KHDRBS2: variants seen among roughly 807,000 people sequenced by gnomAD.
The protein encoded by KHDRBS2 is KH domain-containing, RNA-binding, signal transduction-associated protein 2.
In KHDRBS2, 26 loss-of-function variants were observed where a neutral mutation model predicts 44.3. That is an observed-to-expected ratio of 0.59 (90% CI 0.43 to 0.81). KHDRBS2 has a LOEUF of 0.81. KHDRBS2 is among the 40% of genes least tolerant of loss of function. The pLI is 0.00. For synonymous variants in KHDRBS2, 194 were observed against 151.1 expected, an observed-to-expected ratio of 1.28 and a Z score of -2.08; for missense variants, 476 against 433.1, an observed-to-expected ratio of 1.10 and a Z score of -0.88.
the KHDRBS2 span, among the ~76,000 whole-genome samples, chr6:61,550,719 T>C: frequency 6.6e-6 from 1 of 152,066 alleles, no homozygotes; most frequent in African/African-American, 2.4e-5. Flanking sequence ...GCACATATTT[T>C]TTTTTTACTT....
chr6:61,893,983 C>T (rs1376772079), intron 6 of KHDRBS2, among the ~76,000 whole-genome samples: 7 of 151,734 alleles, frequency 4.6e-5, no homozygotes, highest in South Asian at 2.1e-4. Context: ...ACAATCTAGT[C>T]GGAGAAATGG....
intron 2 of KHDRBS2, among the ~76,000 whole-genome samples, chr6:62,065,047 A>G (rs919282773): frequency 1.3e-5 from 2 of 152,152 alleles, no homozygotes; most frequent in African/African-American, 2.4e-5. Flanking sequence ...CGTCATCACT[A>G]GCCATCAGAG....
intron 2 of KHDRBS2, among the ~76,000 whole-genome samples, chr6:62,132,667 T>C (rs1810599133): frequency 6.6e-6 from 1 of 152,206 alleles, no homozygotes; most frequent in Non-Finnish European, 1.5e-5. Flanking sequence ...TAAAAACCTA[T>C]CAACCATTAT....
intron 3 of KHDRBS2, among the ~76,000 whole-genome samples, chr6:61,997,541 C>T (rs192801364): frequency 7.2e-5 from 11 of 152,276 alleles, no homozygotes; most frequent in Non-Finnish European, 1.2e-4. Context: ...CTTGCAAATT[C>T]GGTAAGGGTG....
intron 6 of KHDRBS2, among the ~76,000 whole-genome samples, chr6:61,879,803 CAAT>C (rs1021473544): frequency 2.6e-5 from 4 of 151,630 alleles, no homozygotes; most frequent in Admixed American, 1.3e-4. Context: ...AAACATTAGT[CAAT>C]AATAAGTTCA....
intron 1 of KHDRBS2, among the ~76,000 whole-genome samples, chr6:62,197,321 C>G (rs1304520527): frequency 6.6e-6 from 1 of 152,016 alleles, no homozygotes; most frequent in Non-Finnish European, 1.5e-5. Flanking sequence ...GAACACAGAT[C>G]AAACAATATT....
intron 4 of KHDRBS2, among the ~76,000 whole-genome samples, chr6:61,933,685 A>G (rs1355938049): frequency 2.0e-5 from 3 of 152,306 alleles, no homozygotes; most frequent in Middle Eastern, 3.4e-3. Context: ...CTGCAACACA[A>G]TGGTAAGTAT....
At chr6:62,058,858 C>A (rs1027075460) in intron 2 of KHDRBS2, among the ~76,000 whole-genome samples, 5 of 151,526 alleles carry the variant, frequency 3.3e-5, no homozygotes, top group African/African-American at 1.2e-4. Context: ...TTAGAATTAA[C>A]CATTAAAGCT....
chr6:61,595,151 T>C, the KHDRBS2 span, among the ~76,000 whole-genome samples: 1 of 152,196 alleles, frequency 6.6e-6, no homozygotes, highest in Non-Finnish European at 1.5e-5. Flanking sequence ...ACTCTAGTTT[T>C]TCATTAGTGA....
At chr6:61,542,762 G>T in the KHDRBS2 span, among the ~76,000 whole-genome samples, 6 of 151,950 alleles carry the variant, frequency 3.9e-5, no homozygotes, top group African/African-American at 9.6e-5. Context: ...AATTAATAAT[G>T]GGGGAGAGAG....
chr6:61,826,453 T>C (rs1168036127), intron 6 of KHDRBS2, among the ~76,000 whole-genome samples: 2 of 151,986 alleles, frequency 1.3e-5, no homozygotes, highest in African/African-American at 4.8e-5. Flanking sequence ...GGTGGCTGCT[T>C]TTACAGATTT....
intron 6 of KHDRBS2, among the ~76,000 whole-genome samples, chr6:61,741,822 T>C (rs1267781005): frequency 2.0e-5 from 3 of 151,978 alleles, no homozygotes; most frequent in Admixed American, 6.6e-5. Context: ...GAAATTTAAA[T>C]GATATGAAAT....
chr6:61,960,324 T>TA (rs990180054), intron 4 of KHDRBS2, among the ~76,000 whole-genome samples: 11 of 152,024 alleles, frequency 7.2e-5, no homozygotes, highest in South Asian at 4.1e-4. Flanking sequence ...AGATTTATTT[T>TA]AAAAAAATCA....
chr6:61,902,491 C>A (rs1343112280), intron 4 of KHDRBS2, among the ~76,000 whole-genome samples: 1 of 147,868 alleles, frequency 6.8e-6, no homozygotes, highest in Non-Finnish European at 1.5e-5. Context: ...TCACCTGTTT[C>A]TCTTTTTACT....
intron 2 of KHDRBS2, among the ~76,000 whole-genome samples, chr6:62,130,847 T>C (rs897995800): frequency 6.6e-6 from 1 of 152,042 alleles, no homozygotes; most frequent in African/African-American, 2.4e-5. Context: ...TATTAAATAC[T>C]GTACTGAAAG....
intron 2 of KHDRBS2, among the ~76,000 whole-genome samples, chr6:62,164,943 A>C (rs1818370579): frequency 6.6e-6 from 1 of 151,928 alleles, no homozygotes; most frequent in Admixed American, 6.6e-5. Flanking sequence ...TTTCCCTTAC[A>C]CTATACATGT....
intron 6 of KHDRBS2, among the ~76,000 whole-genome samples, chr6:61,802,954 G>A (rs769297828): frequency 3.3e-5 from 5 of 152,162 alleles, no homozygotes; most frequent in Admixed American, 6.6e-5. Context: ...CTAATAAAGA[G>A]CAGATAGAAA....
At chr6:61,683,693 T>A (rs1766536325) in intron 8 of KHDRBS2, among the ~76,000 whole-genome samples, 1 of 151,884 alleles carries the variant, frequency 6.6e-6, no homozygotes, top group South Asian at 2.1e-4. Flanking sequence ...TTGAATTCAA[T>A]GAAGTAATCG....
rs186025540 is a variant in KHDRBS2, at chr6:62,213,748, C to A, written c.92-36436G>T. Reference sequence around the variant, plus strand: ...AATTAGCCAGGCATGGTGGTGGACACCCGTAGTCCCAGCTATTCCGGAGGC... The same window carrying A: ...AATTAGCCAGGCATGGTGGTGGACAACCGTAGTCCCAGCTATTCCGGAGGC... On this transcript the variant is annotated intron_variant, in intron 1 of 8. Coordinates refer to ENST00000281156, the MANE Select transcript of KHDRBS2 (RefSeq NM_152688.4). 4.6e-3 allele frequency among the ~76,000 whole-genome samples: 696 copies of A among 151,764 alleles called. 3 individuals carry two copies. Among genetic ancestry groups the A allele is most frequent in the African/African-American group, 0.016 (673 of 41,354 alleles).
Sources: gnomAD v4.1 joint callset for allele counts (sites outside exome capture counted in the v4.1 genomes callset) on GRCh38, gnomAD v4.1.1 for gene constraint, MANE v1.5 for transcripts, NCBI Gene and HGNC (gene_info 2026-07-23, HGNC 2026-07-21) for gene names.